The following CTNNA3 variants were observed in gnomAD, a reference collection of about 807,000 sequenced individuals.
CTNNA3 encodes catenin alpha-3.
A neutral mutation model predicts 95.7 loss-of-function variants in CTNNA3; 76 were observed. The observed-to-expected ratio is 0.79, with a 90% confidence interval of 0.66 to 0.96. CTNNA3 has a LOEUF of 0.96. Ranked by LOEUF, CTNNA3 falls within the 40% of genes least tolerant of loss-of-function variation. CTNNA3 has a pLI of 0.00. For missense variants in CTNNA3, 1,191 were observed against 1,089.8 expected (o/e 1.09, Z -1.31); for synonymous variants, 431 against 374.4 (o/e 1.15, Z -1.74).
intron 13 of CTNNA3, among the ~76,000 whole-genome samples, chr10:66,132,064 A>T (rs1395287706): frequency 6.6e-6 from 1 of 152,156 alleles, no homozygotes; most frequent in East Asian, 1.9e-4. Flanking sequence ...ATCTACTTAA[A>T]CTAAGAGCTT....
intron 3 of CTNNA3, among the ~76,000 whole-genome samples, chr10:67,595,828 T>G (rs890661511): frequency 1.3e-5 from 2 of 152,290 alleles, no homozygotes; most frequent in Middle Eastern, 3.4e-3. Context: ...GTACATACAT[T>G]TTTAGAATAG....
At chr10:66,594,472 A>G (rs921947358) in intron 10 of CTNNA3, among the ~76,000 whole-genome samples, 1 of 152,106 alleles carries the variant, frequency 6.6e-6, no homozygotes, top group Non-Finnish European at 1.5e-5. Flanking sequence ...ATAGCCCTAC[A>G]TGACCTGGTC....
chr10:67,415,513 G>A (rs1845510564), intron 5 of CTNNA3, among the ~76,000 whole-genome samples: 1 of 151,956 alleles, frequency 6.6e-6, no homozygotes, highest in African/African-American at 2.4e-5. Flanking sequence ...GCAAATAAAT[G>A]GACAAACATT....
At chr10:67,246,600 C>T (rs1332508613) in intron 5 of CTNNA3, among the ~76,000 whole-genome samples, 1 of 152,142 alleles carries the variant, frequency 6.6e-6, no homozygotes, top group African/African-American at 2.4e-5. Context: ...CATAAGGCTA[C>T]CTTTGCTACT....
intron 11 of CTNNA3, among the ~76,000 whole-genome samples, chr10:66,493,826 C>A (rs576553724): frequency 6.7e-6 from 1 of 149,264 alleles, no homozygotes; most frequent in Admixed American, 6.7e-5. Context: ...AGGATGGTCT[C>A]GATTTCCTGA....
chr10:67,726,430 A>AGCAC (rs1841220536), intron 1 of CTNNA3, among the ~76,000 whole-genome samples: 1 of 5,102 alleles, frequency 2.0e-4, no homozygotes, highest in Non-Finnish European at 3.4e-4. Context: ...TATATATTAT[A>AGCAC]TCATATATAA....
chr10:66,196,249 G>A (rs1414488053), intron 13 of CTNNA3, among the ~76,000 whole-genome samples: 9 of 152,110 alleles, frequency 5.9e-5, no homozygotes, highest in Non-Finnish European at 1.0e-4. Context: ...ACATTAATGA[G>A]AAAAGTAGGA....
At chr10:66,409,704 T>C (rs2093087319) in intron 11 of CTNNA3, among the ~76,000 whole-genome samples, 1 of 152,192 alleles carries the variant, frequency 6.6e-6, no homozygotes, top group Admixed American at 6.5e-5. Context: ...ACATTTAGTT[T>C]ATGTATTAAA....
At chr10:66,546,459 GTC>G (rs953627438) in intron 10 of CTNNA3, among the ~76,000 whole-genome samples, 61 of 152,150 alleles carry the variant, frequency 4.0e-4, no homozygotes, top group African/African-American at 1.3e-3. Context: ...GGTTGGATCA[GTC>G]TGTTTTCATA....
At chr10:66,933,374 T>C (rs1847517353) in intron 7 of CTNNA3, among the ~76,000 whole-genome samples, 2 of 152,146 alleles carry the variant, frequency 1.3e-5, no homozygotes, top group African/African-American at 4.8e-5. Context: ...ATCAAACACA[T>C]TGAAAATTCT....
intron 5 of CTNNA3, among the ~76,000 whole-genome samples, chr10:67,282,328 C>A (rs1486226703): frequency 6.6e-6 from 1 of 152,038 alleles, no homozygotes; most frequent in Non-Finnish European, 1.5e-5. Context: ...CTAATATAAA[C>A]AATATAACAT....
chr10:67,752,034 G>A (rs137993803), intron 1 of CTNNA3, among the ~76,000 whole-genome samples: 11 of 151,984 alleles, frequency 7.2e-5, no homozygotes, highest in African/African-American at 2.4e-4. Context: ...AGAAAACTTC[G>A]GGCCGATATC....
Position 66,421,607 on chromosome 10 carries a change from G to A in CTNNA3, c.1532-42255C>T, listed in dbSNP as rs115388659. Among the ~76,000 whole-genome samples the A allele has an allele frequency of 5.6e-3, 857 of 151,816 alleles. 10 individuals are homozygous for A. Among genetic ancestry groups the A allele is most frequent in the African/African-American group, 0.019 (802 of 41,422 alleles). ...CACCTGTATTCCCAGCACTTTGGGA[G>A]GCAGATAATGAGGTCAAGAGATCGA... On this transcript the variant is annotated intron_variant, in intron 11 of 17. Coordinates refer to ENST00000433211, the MANE Select transcript of CTNNA3 (RefSeq NM_013266.4).
At chr10:66,312,583 T>C (rs1404723501) in intron 12 of CTNNA3, among the ~76,000 whole-genome samples, 1 of 151,816 alleles carries the variant, frequency 6.6e-6, no homozygotes, top group Non-Finnish European at 1.5e-5. Flanking sequence ...AGTCTCACTC[T>C]GTCACCAGGT....
intron 4 of CTNNA3, among the ~76,000 whole-genome samples, chr10:67,538,794 T>C (rs1176776299): frequency 1.3e-5 from 2 of 152,008 alleles, no homozygotes; most frequent in Non-Finnish European, 2.9e-5. Context: ...AAGCAGAAAA[T>C]ACAACAGATA....
intron 2 of CTNNA3, among the ~76,000 whole-genome samples, chr10:67,617,868 G>A (rs1243587623): frequency 6.6e-6 from 1 of 150,434 alleles, no homozygotes; most frequent in Non-Finnish European, 1.5e-5. Context: ...CAGTGATGTT[G>A]AGCTTTTTCT....
rs529561560 is a variant in CTNNA3, at chr10:67,740,648, G to A, written c.-2+22786C>T. Among the ~76,000 whole-genome samples the A allele has an allele frequency of 1.5e-3, 223 of 151,450 alleles. 2 individuals are homozygous for A. The highest frequency in any genetic ancestry group is 5.1e-3 in the African/African-American group (213 of 41,448). ...CAGTTAGAATGGCAGTCATTAAAAAGTCAGGAAACAACAGGTGCTGGAGAG... is the reference window on the plus strand; with the variant it reads ...CAGTTAGAATGGCAGTCATTAAAAAATCAGGAAACAACAGGTGCTGGAGAG... On this transcript the variant is annotated intron_variant, in intron 1 of 17. Coordinates refer to the CTNNA3 transcript ENST00000684154.
At chr10:66,617,213 G>T (rs182861028) in intron 10 of CTNNA3, among the ~76,000 whole-genome samples, 2 of 151,848 alleles carry the variant, frequency 1.3e-5, no homozygotes, top group African/African-American at 4.8e-5. Context: ...AATAAATATG[G>T]TAACATAATA....
intron 7 of CTNNA3, among the ~76,000 whole-genome samples, chr10:67,163,310 G>A (rs1861626812): frequency 6.6e-6 from 1 of 151,912 alleles, no homozygotes; most frequent in Non-Finnish European, 1.5e-5. Context: ...AGGCTAGTTT[G>A]ATATTTGAAA....
Sources: gnomAD v4.1 joint callset for allele counts (sites outside exome capture counted in the v4.1 genomes callset) on GRCh38, gnomAD v4.1.1 for gene constraint, MANE v1.5 for transcripts, NCBI Gene and HGNC (gene_info 2026-07-23, HGNC 2026-07-21) for gene names.